Variants in GPC4 observed in about 807,000 individuals in gnomAD.
GPC4 encodes the protein glypican-4.
A neutral mutation model predicts 35.0 loss-of-function variants in GPC4; 10 were observed. The observed-to-expected ratio is 0.29, with a 90% CI of 0.18 to 0.48. The LOEUF (loss-of-function observed/expected upper bound fraction) is 0.48, where lower values mean the gene tolerates loss of function less well. GPC4 is among the 20% of genes least tolerant of loss of function. GPC4 has a pLI of 0.99. For synonymous variants in GPC4, 167 were observed against 170.2 expected (o/e 0.98, Z 0.15); for missense variants, 322 against 451.3 (o/e 0.71, Z 2.60).
At position 133,362,332 on chromosome X, in the gene GPC4, T is replaced by C. The variant is rs185140979; in HGVS notation, c.161-22991A>G. The stretch of plus-strand genomic sequence containing the variant: ...GTCACTCATTTTTGTTCTAAAAATG[T>C]CAATGTACCAAATGTCACATGCCAT... On this transcript the variant is annotated intron_variant, in intron 1 of 8. Coordinates refer to ENST00000370828, the MANE Select transcript of GPC4 (RefSeq NM_001448.3). Among the ~76,000 whole-genome samples the C allele has an allele frequency of 3.7e-4, 41 of 111,173 alleles. No individual in the cohort carries two copies. In the Admixed American group the frequency reaches 3.8e-3, roughly 10 times the overall value.
At chrX:133,308,988 A>C (rs917671411) in intron 4 of GPC4, among the ~76,000 whole-genome samples, 1 of 106,978 alleles carries the variant, frequency 9.3e-6, no homozygotes, top group Non-Finnish European at 1.9e-5. Flanking sequence ...TGCAAACAGA[A>C]AAAAAAAAAA....
rs188950084 is a variant in GPC4 at position 133,402,172 on chromosome X, T to C, written c.160+12634A>G. ...AGTAGTAACTGCTAACCACATGCTT[T>C]ACACTGCAGTTTGCAAGGACACAGT... On this transcript the variant is annotated intron_variant, in intron 1 of 8. Coordinates refer to ENST00000370828, the MANE Select transcript of GPC4 (RefSeq NM_001448.3). Among the ~76,000 whole-genome samples, 3 of 112,352 alleles carry C rather than the reference T, an allele frequency of 2.7e-5. No homozygotes were observed. In the Admixed American group the frequency reaches 2.8e-4, roughly 11 times the overall value.
intron 1 of GPC4, among the ~76,000 whole-genome samples, chrX:133,368,038 G>A (rs1429405168): frequency 9.0e-6 from 1 of 111,595 alleles, no homozygotes; most frequent in Non-Finnish European, 1.9e-5. Flanking sequence ...ACTGCTTGAG[G>A]CCAGGAGTTT....
chrX:133,303,385 A>C (rs768446534), intron 7 of GPC4, 44 bp from the exon 8 acceptor site: 1 of 1,105,658 alleles, frequency 9.0e-7, no homozygotes, highest in Non-Finnish European at 1.2e-6. Flanking sequence ...GTAAAGCGAA[A>C]AGATTTTATC....
rs754727391 is a variant in GPC4, at chrX:133,369,650, T to G, written c.161-30309A>C. Among the ~76,000 whole-genome samples the G allele has an allele frequency of 8.0e-5, 9 of 112,439 alleles. No homozygotes were observed. In the East Asian group the frequency reaches 2.5e-3, roughly 31 times the overall value. On this transcript the variant is annotated intron_variant, in intron 1 of 8. Transcript: ENST00000370828. ...AGGATAATTATTTCTGCATATGATA[T>G]GATTATTTAAGTGAGGATTCTTGAA...
intron 1 of GPC4, among the ~76,000 whole-genome samples, chrX:133,366,317 G>A (rs1037746238): frequency 2.7e-5 from 3 of 111,932 alleles, no homozygotes; most frequent in Non-Finnish European, 5.6e-5. Flanking sequence ...TGGATTTATA[G>A]TTCTGCCAAG....
intron 3 of GPC4, among the ~76,000 whole-genome samples, chrX:133,314,528 T>C (rs1354417971): frequency 1.8e-5 from 2 of 111,830 alleles, no homozygotes; most frequent in African/African-American, 6.5e-5. Flanking sequence ...TGATTTGTTG[T>C]GTAACTACTA....
rs190732389 is a variant in GPC4 at position 133,333,966 on chromosome X, G to A, written c.319+5217C>T. ...AACCCTCTCAGGGGATCTTTAGTAA[G>A]TGTGGCTATATAAACGACAATTATC... On this transcript the variant is annotated intron_variant, in intron 2 of 8. Coordinates refer to ENST00000370828, the MANE Select transcript of GPC4 (RefSeq NM_001448.3). Among the ~76,000 whole-genome samples the A allele has an allele frequency of 3.2e-4, 36 of 112,616 alleles. No homozygotes were observed. In the East Asian group the frequency reaches 9.5e-3, roughly 30 times the overall value.
intron 1 of GPC4, among the ~76,000 whole-genome samples, chrX:133,401,200 G>A (rs895343703): frequency 9.0e-6 from 1 of 111,662 alleles, no homozygotes; most frequent in Non-Finnish European, 1.9e-5. Context: ...AGGCAGATGT[G>A]CTCATAAGCC....
chrX:133,332,565 A>G (rs970977887), intron 2 of GPC4, among the ~76,000 whole-genome samples: 5 of 111,148 alleles, frequency 4.5e-5, no homozygotes, highest in African/African-American at 1.6e-4. Context: ...ACATCTGGCT[A>G]ATTTTTGTAT....
chrX:133,390,357 A>G (rs1193152517), intron 1 of GPC4, among the ~76,000 whole-genome samples: 1 of 111,955 alleles, frequency 8.9e-6, no homozygotes, highest in Non-Finnish European at 1.9e-5. Context: ...CACATTACCT[A>G]TCTGGAACCT....
chrX:133,377,888 TC>T (rs2068642132), intron 1 of GPC4, among the ~76,000 whole-genome samples: 6 of 96,160 alleles, frequency 6.2e-5, no homozygotes, highest in Non-Finnish European at 4.1e-5. Context: ...TTTTTTTTTT[TC>T]TTTTTTTTTT....
At chrX:133,392,666 C>CAA (rs141927848) in intron 1 of GPC4, among the ~76,000 whole-genome samples, 22 of 72,407 alleles carry the variant, frequency 3.0e-4, no homozygotes, top group African/African-American at 9.3e-4. Flanking sequence ...AAAAACAAAA[C>CAA]AAAAAAAAAA....
intron 1 of GPC4, among the ~76,000 whole-genome samples, chrX:133,367,767 C>T (rs756690529): frequency 8.9e-6 from 1 of 111,904 alleles, no homozygotes; most frequent in African/African-American, 3.2e-5. Flanking sequence ...ACTTGGGAGG[C>T]TGAAGTGAGA....
chrX:133,352,343 G>A (rs890217742), intron 1 of GPC4, among the ~76,000 whole-genome samples: 2 of 111,111 alleles, frequency 1.8e-5, no homozygotes, highest in Admixed American at 9.6e-5. Flanking sequence ...GCATTATCTC[G>A]GACTCAGAGC....
intron 1 of GPC4, among the ~76,000 whole-genome samples, chrX:133,398,663 G>T (rs1336881524): frequency 1.8e-5 from 2 of 109,780 alleles, no homozygotes; most frequent in East Asian, 2.9e-4. Context: ...AGTTACTCGG[G>T]AGGCTGAGGC....
intron 3 of GPC4, among the ~76,000 whole-genome samples, chrX:133,317,133 T>C (rs2068342424): frequency 9.0e-6 from 1 of 110,947 alleles, no homozygotes; most frequent in South Asian, 3.9e-4. Flanking sequence ...TGATACCAAA[T>C]TTCCAAGCCT....
At chrX:133,371,285 AGT>A (rs1219389542) in intron 1 of GPC4, among the ~76,000 whole-genome samples, 1 of 112,564 alleles carries the variant, frequency 8.9e-6, no homozygotes, top group East Asian at 2.8e-4. Flanking sequence ...CTCTTCCCAG[AGT>A]TTGCCATGAC....
chrX:133,319,723 A>G (rs1229297005), intron 3 of GPC4, among the ~76,000 whole-genome samples: 1 of 111,330 alleles, frequency 9.0e-6, no homozygotes, highest in East Asian at 2.8e-4. Flanking sequence ...TTGGGTATCC[A>G]AACTGGTAGA....
Sources: gnomAD v4.1 joint callset for allele counts (sites outside exome capture counted in the v4.1 genomes callset) on GRCh38, gnomAD v4.1.1 for gene constraint, MANE v1.5 for transcripts, NCBI Gene and HGNC (gene_info 2026-07-23, HGNC 2026-07-21) for gene names.